RANBP17: variants seen among roughly 807,000 people sequenced by gnomAD.
RANBP17 encodes RAN binding protein 17, also known as ran-binding protein 17.
In RANBP17, 158 loss-of-function variants were observed where a neutral mutation model predicts 141.2. The ratio of observed to expected loss-of-function variants is 1.12; its 90% CI spans 0.98 to 1.28. RANBP17 has a LOEUF of 1.28. RANBP17 is among the 50% of genes most tolerant of loss of function. The pLI, the probability that RANBP17 is intolerant of heterozygous loss-of-function variation, is 0.00. For missense variants in RANBP17, 1,438 were observed against 1,290.7 expected (o/e 1.11, Z -1.75); for synonymous variants, 430 against 450.0 (o/e 0.96, Z 0.56).
chr5:171,118,921 C>CTCTTG (rs1755826689), intron 14 of RANBP17, among the ~76,000 whole-genome samples: 1 of 152,220 alleles, frequency 6.6e-6, no homozygotes, highest in African/African-American at 2.4e-5. Flanking sequence ...TTATTTCTCT[C>CTCTTG]TCTTGTCTAA....
chr5:171,266,132 G>A (rs550207818), intron 25 of RANBP17, among the ~76,000 whole-genome samples: 10 of 152,130 alleles, frequency 6.6e-5, no homozygotes, highest in Middle Eastern at 3.4e-3. Flanking sequence ...AGACAAAACC[G>A]GAACTGGAAA....
At chr5:171,135,792 T>C (rs1298936552) in intron 14 of RANBP17, among the ~76,000 whole-genome samples, 2 of 152,128 alleles carry the variant, frequency 1.3e-5, no homozygotes, top group African/African-American at 4.8e-5. Context: ...CCTGGGTGGA[T>C]TGGGAAAGAA....
At chr5:171,011,616 A>G (rs1278477926) in intron 14 of RANBP17, among the ~76,000 whole-genome samples, 1 of 152,066 alleles carries the variant, frequency 6.6e-6, no homozygotes, top group African/African-American at 2.4e-5. Context: ...ATTTATGCAT[A>G]CATATGATAT....
intron 25 of RANBP17, among the ~76,000 whole-genome samples, chr5:171,281,587 T>C (rs892723294): frequency 6.6e-6 from 1 of 152,138 alleles, no homozygotes; most frequent in Non-Finnish European, 1.5e-5. Flanking sequence ...CAATGGTGCT[T>C]GACACACAGT....
At chr5:171,211,221 T>C (rs900019486) in intron 20 of RANBP17, among the ~76,000 whole-genome samples, 1 of 152,106 alleles carries the variant, frequency 6.6e-6, no homozygotes, top group African/African-American at 2.4e-5. Flanking sequence ...TTCTCACATA[T>C]ACACTCTCTT....
chr5:171,287,404 T>A (rs1478394737), intron 25 of RANBP17, among the ~76,000 whole-genome samples: 1 of 151,610 alleles, frequency 6.6e-6, no homozygotes, highest in Non-Finnish European at 1.5e-5. Flanking sequence ...GCAGGAGAAT[T>A]GCTTGAACCC....
chr5:171,177,205 A>G (rs953752240), intron 16 of RANBP17, among the ~76,000 whole-genome samples: 9 of 152,068 alleles, frequency 5.9e-5, no homozygotes, highest in Non-Finnish European at 1.2e-4. Context: ...CCCATAATTT[A>G]TCTCCTCTGT....
chr5:170,913,878 C>T (rs866446875), intron 7 of RANBP17, among the ~76,000 whole-genome samples: 1 of 151,768 alleles, frequency 6.6e-6, no homozygotes, highest in Admixed American at 6.6e-5. Context: ...TTTGAATTCT[C>T]AATGTTTATA....
chr5:171,127,244 T>C (rs907930947), intron 14 of RANBP17, among the ~76,000 whole-genome samples: 1 of 152,190 alleles, frequency 6.6e-6, no homozygotes, highest in Non-Finnish European at 1.5e-5. Context: ...TCTCAATAGA[T>C]GCAGAAAAAC....
At chr5:171,132,828 T>C (rs1292223781) in intron 14 of RANBP17, among the ~76,000 whole-genome samples, 1 of 152,186 alleles carries the variant, frequency 6.6e-6, no homozygotes, top group African/African-American at 2.4e-5. Context: ...AATTTATTAT[T>C]CCAGAAGAAA....
intron 16 of RANBP17, 138 bp from the exon 17 acceptor site, chr5:171,183,029 G>T (rs1423035417): frequency 1.8e-6 from 1 of 557,930 alleles, no homozygotes; most frequent in Non-Finnish European, 3.2e-6. Flanking sequence ...AAGGAAAGAC[G>T]TTTCTATAGG....
intron 14 of RANBP17, among the ~76,000 whole-genome samples, chr5:171,060,419 A>T (rs1218262160): frequency 6.6e-6 from 1 of 152,080 alleles, no homozygotes; most frequent in Non-Finnish European, 1.5e-5. Context: ...TATTGAGATA[A>T]TCATGTGGTT....
intron 14 of RANBP17, among the ~76,000 whole-genome samples, chr5:170,990,971 A>T (rs1463847271): frequency 6.6e-6 from 1 of 151,984 alleles, no homozygotes; most frequent in Admixed American, 6.6e-5. Context: ...CTAATTATCA[A>T]AATACAGAAA....
At chr5:171,018,347 C>T (rs1433661651) in intron 14 of RANBP17, among the ~76,000 whole-genome samples, 2 of 152,128 alleles carry the variant, frequency 1.3e-5, no homozygotes, top group South Asian at 2.1e-4. Flanking sequence ...TTACTTTGAG[C>T]AGTATGGCCA....
intron 25 of RANBP17, among the ~76,000 whole-genome samples, chr5:171,270,973 C>A (rs1767062881): frequency 6.7e-6 from 1 of 148,982 alleles, no homozygotes; most frequent in Non-Finnish European, 1.5e-5. Flanking sequence ...GTCTATTTAT[C>A]TATTTTGCTC....
intron 14 of RANBP17, among the ~76,000 whole-genome samples, chr5:171,125,969 G>A (rs1035128146): frequency 6.6e-6 from 1 of 152,046 alleles, no homozygotes; most frequent in African/African-American, 2.4e-5. Flanking sequence ...TGTATTTTTA[G>A]TAGAGATGGA....
chr5:171,103,146 C>T (rs1787291451), intron 14 of RANBP17, among the ~76,000 whole-genome samples: 1 of 152,216 alleles, frequency 6.6e-6, no homozygotes, highest in African/African-American at 2.4e-5. Context: ...AGATCTGCTG[C>T]TCTCTTCCAA....
intron 14 of RANBP17, among the ~76,000 whole-genome samples, chr5:171,101,113 G>A (rs1482691201): frequency 6.6e-6 from 1 of 152,134 alleles, no homozygotes; most frequent in Non-Finnish European, 1.5e-5. Flanking sequence ...CTATCTATTA[G>A]GTCTGCATGG....
intron 14 of RANBP17, among the ~76,000 whole-genome samples, chr5:171,046,461 G>A (rs978192744): frequency 6.6e-6 from 1 of 152,038 alleles, no homozygotes; most frequent in Non-Finnish European, 1.5e-5. Flanking sequence ...GCCTGCCTCA[G>A]CCTCCCAAAG....
Sources: allele counts gnomAD v4.1 joint callset (sites outside exome capture counted in the v4.1 genomes callset), GRCh38; gene constraint gnomAD v4.1.1; transcripts MANE v1.5; gene names NCBI Gene and HGNC (gene_info 2026-07-23, HGNC 2026-07-21).